Variants in RPL29 observed in about 807,000 individuals in gnomAD.
The protein encoded by RPL29 is large ribosomal subunit protein eL29.
A neutral mutation model predicts 7.2 loss-of-function variants in RPL29; 4 were observed. The ratio of observed to expected loss-of-function variants is 0.55; its 90% confidence interval spans 0.27 to 1.26. RPL29 has a LOEUF of 1.26. Ranked by LOEUF, RPL29 falls within the 50% of genes most tolerant of loss-of-function variation. RPL29 has a pLI of 0.11. For missense variants in RPL29, 148 were observed against 209.1 expected (o/e 0.71, Z 1.80); for synonymous variants, 73 against 72.8 (o/e 1.00, Z -0.01).
In RPL29 at chr3:51,995,026, G is replaced by T. The variant is rs910758974; in HGVS notation, c.102+16C>A. 6.2e-7 allele frequency: 1 copy of T among 1,605,326 alleles called. No individual in the cohort carries two copies. The highest frequency in any genetic ancestry group is 1.7e-5 in the Admixed American group (1 of 60,010). On this transcript the variant is annotated intron_variant, in intron 3 of 3. Coordinates refer to ENST00000294189, the MANE Select transcript of RPL29 (RefSeq NM_000992.3). ...GAACCAAGAAAAGACACTTCCATGTGATTCAGTGCACTCACCCCCTTAAGA... is the reference window on the plus strand; with the variant it reads ...GAACCAAGAAAAGACACTTCCATGTTATTCAGTGCACTCACCCCCTTAAGA...
Position 51,994,138 on chromosome 3 carries a change from G to A in RPL29, c.103-12C>T, listed in dbSNP as rs1226032856. On this transcript the variant is annotated splice_polypyrimidine_tract_variant and intron_variant, in intron 3 of 3. Coordinates refer to ENST00000294189, the MANE Select transcript of RPL29 (RefSeq NM_000992.3). ...AACTTGGGGTCCACCTGAAAAGCAG[G>A]AAAGGTACAGGTGGCAGCATGTGGG... 1 of 1,585,098 alleles carries A rather than the reference G, an allele frequency of 6.3e-7. No homozygotes were observed. The highest frequency in any genetic ancestry group is 1.3e-5 in the African/African-American group (1 of 74,398).
Position 51,993,961 on chromosome 3 carries a change from T to C in RPL29, c.268A>G (p.Ser90Gly), listed in dbSNP as rs1244596304. ...EVKPKIPKGV[S>G]RKLDRLAYIA... ...TAGGCAAGTCGATCGAGCTTGCGGCTGACACCCTTTGGGATCTTGGGCTTA... is the reference window on the plus strand; with the variant it reads ...TAGGCAAGTCGATCGAGCTTGCGGCCGACACCCTTTGGGATCTTGGGCTTA... Residue 90 changes from serine (S) to glycine (G), a missense_variant, in exon 4 of 4, where the codon AGC (serine) becomes GGC (glycine). Transcript: ENST00000294189. 5 of 1,596,998 alleles carry C rather than the reference T, an allele frequency of 3.1e-6. No individual in the cohort carries two copies. The highest frequency in any genetic ancestry group is 1.1e-5 in the South Asian group (1 of 90,994).
chr3:51,994,764 ACTCCTTACC>A, intron 3 of RPL29: 1 of 698,010 alleles, frequency 1.4e-6, no homozygotes, highest in Non-Finnish European at 2.6e-6. Flanking sequence ...AGACAAGGCC[ACTCCTTACC>A]CTAAGTGCCA....
In RPL29 at chr3:51,993,819, G is replaced by C. The variant is rs745509881; in HGVS notation, c.410C>G (p.Ala137Gly). 6.3e-6 allele frequency: 10 copies of C among 1,594,794 alleles called. No homozygotes were observed. Among genetic ancestry groups the C allele is most frequent in the Non-Finnish European group, 8.5e-6 (10 of 1,179,276 alleles). ...AGCTGGAACTGAAGCTGGGGCTGCA[G>C]CCTGGGCCTTGGTTTGATCCTTGGC... ...AKAKDQTKAQ[A>G]AAPASVPAQA... The change falls in exon 4 of 4, where the codon GCT becomes GGT. Residue 137 changes from alanine (A) to glycine (G), a missense_variant. Physicochemically the swap from Ala to Gly is moderately conservative, Grantham distance 60 (BLOSUM62 0). Transcript: ENST00000294189.
chr3:51,993,639 G>A lies in RPL29; in HGVS notation c.*110C>T. 1 of 1,160,932 alleles carries A rather than the reference G, an allele frequency of 8.6e-7. No individual in the cohort carries two copies. Among genetic ancestry groups the A allele is most frequent in the East Asian group, 2.4e-5 (1 of 42,402 alleles). The allele number at this position is 1,160,932 out of a possible 1,614,324, so 71.9% of individuals were successfully genotyped here. ...CAGAGGCTAACAAATCCTGCCTCAG[G>A]TTTATTTGTACAAATAGCACAGGAG... On this transcript the variant is annotated 3_prime_UTR_variant, in exon 4 of 4. Coordinates refer to ENST00000294189, the MANE Select transcript of RPL29 (RefSeq NM_000992.3).
At position 51,994,953 on chromosome 3, in the gene RPL29, A is replaced by G. The variant is rs761460180; in HGVS notation, c.102+89T>C. The G allele has an allele frequency of 2.9e-5, 34 of 1,177,392 alleles. No homozygotes were observed. The East Asian group carries it at 6.7e-4, about 23-fold the overall frequency. The allele number at this position is 1,177,392 out of a possible 1,614,324, so 72.9% of individuals were successfully genotyped here. On this transcript the variant is annotated intron_variant, in intron 3 of 3. Coordinates refer to ENST00000294189, the MANE Select transcript of RPL29 (RefSeq NM_000992.3). Reference sequence around the variant, plus strand: ...GCCAGTTAGGCTGTGCTCAGGCAGAAGCCAAAGCTAGAGAAAAACTACATG... The same window carrying G: ...GCCAGTTAGGCTGTGCTCAGGCAGAGGCCAAAGCTAGAGAAAAACTACATG...
intron 1 of RPL29, 132 bp from the exon 2 acceptor site, chr3:51,995,601 G>T: frequency 1.2e-6 from 1 of 843,068 alleles, no homozygotes; most frequent in South Asian, 1.5e-5. Flanking sequence ...TACTCTGCAC[G>T]ACCAAACGCC....
intron 2 of RPL29, 141 bp downstream of exon 2, chr3:51,995,284 C>T (rs1351653708): frequency 1.9e-6 from 2 of 1,065,948 alleles, no homozygotes; most frequent in East Asian, 2.4e-5. Context: ...ATCTCTAAAC[C>T]TATAAACCCT....
intron 2 of RPL29, 85 bp from the exon 3 acceptor site, chr3:51,995,191 G>C (rs997102523): frequency 1.6e-6 from 2 of 1,221,580 alleles, no homozygotes; most frequent in African/African-American, 3.0e-5. Context: ...AAGTCTGGGA[G>C]AACCAACACT....
In RPL29 at chr3:51,993,923, G is replaced by A. The variant is rs1065748; in HGVS notation, c.306C>T (p.Pro102=). ...KLDRLAYIAH[P]KLGKRARARI... is the part of the protein sequence containing the mutation. ...GGGCACGAGCACGCTTCCCAAGCTT[G>A]GGGTGGGCAATGTAGGCAAGTCGAT... Residue 102 remains proline (P), a synonymous_variant, in exon 4 of 4, where the codon CCC becomes CCT. Transcript: ENST00000294189. 6.3e-5 allele frequency: 101 copies of A among 1,596,544 alleles called. 1 individual carries two copies. The African/African-American group carries it at 1.2e-3, about 20-fold the overall frequency.
At chr3:51,995,632 A>G (rs1451231388) in intron 1 of RPL29, 163 bp from the exon 2 acceptor site, 3 of 655,846 alleles carry the variant, frequency 4.6e-6, no homozygotes, top group East Asian at 5.4e-5. Context: ...TCCCAAACCC[A>G]GGTAATGATG....
rs769953048 is a variant in RPL29, at chr3:51,994,015, T to C, written c.214A>G (p.Ile72Val). ...AKAMSARAEAIKALVKPKEVK... is the reference protein window; with the variant it reads ...AKAMSARAEAVKALVKPKEVK... Reference sequence around the variant, plus strand: ...TCCTTGGGCTTTACGAGGGCCTTGATAGCCTCGGCACGTGCACTCATGGCC... The same window carrying C: ...TCCTTGGGCTTTACGAGGGCCTTGACAGCCTCGGCACGTGCACTCATGGCC... Residue 72 changes from isoleucine to valine, a missense_variant, in exon 4 of 4, where the codon ATC becomes GTC. Ile to Val is a conservative substitution (Grantham distance 29, BLOSUM62 3). Transcript: ENST00000294189. 1.9e-6 allele frequency: 3 copies of C among 1,598,916 alleles called. No homozygotes were observed. Among genetic ancestry groups the C allele is most frequent in the South Asian group, 1.1e-5 (1 of 91,056 alleles).
chr3:51,995,641 T>C (rs1701304625), intron 1 of RPL29, 172 bp from the exon 2 acceptor site: 1 of 637,894 alleles, frequency 1.6e-6, no homozygotes, highest in Non-Finnish European at 2.8e-6. Flanking sequence ...CAGGTAATGA[T>C]GCCCTGAAAT....
At position 51,995,532 on chromosome 3, in the gene RPL29, C is replaced by A. The variant is rs3821828; in HGVS notation, c.-8-63G>T. 4.4e-5 allele frequency: 66 copies of A among 1,502,856 alleles called. 1 individual carries two copies. In the East Asian group the frequency reaches 8.3e-4, roughly 19 times the overall value. The allele number at this position is 1,502,856 out of a possible 1,614,324, so 93.1% of individuals were successfully genotyped here. ...CCAGGCTGGGCCACCTCTGCCCCCC[C>A]CATTCTGGTCAGAATGAGCCTGCAG... On this transcript the variant is annotated intron_variant, in intron 1 of 3. Coordinates refer to ENST00000294189, the MANE Select transcript of RPL29 (RefSeq NM_000992.3).
At chr3:51,995,661 A>C in intron 1 of RPL29, 192 bp from the exon 2 acceptor site, 1 of 602,986 alleles carries the variant, frequency 1.7e-6, no homozygotes, top group Non-Finnish European at 3.0e-6. Context: ...TCAACTCCTT[A>C]CCCCCGGAAA....
intron 3 of RPL29, 59 bp from the exon 4 acceptor site, chr3:51,994,185 C>T (rs1164949120): frequency 6.5e-7 from 1 of 1,533,352 alleles, no homozygotes; most frequent in Admixed American, 2.0e-5. Context: ...CTCCCTGCTG[C>T]CCCTCTCCAT....
intron 3 of RPL29, 128 bp downstream of exon 3, chr3:51,994,914 C>T: frequency 1.2e-6 from 1 of 844,400 alleles, no homozygotes; most frequent in East Asian, 2.4e-5. Flanking sequence ...AAAGGAATTG[C>T]AGGCTTTGGG....
At chr3:51,994,606 A>G (rs766421022) in intron 3 of RPL29, 3 of 478,338 alleles carry the variant, frequency 6.3e-6, no homozygotes, top group Non-Finnish European at 1.1e-5. Context: ...GACTGGGGAC[A>G]TGCTCAGCTC....
At position 51,994,131 on chromosome 3, in the gene RPL29, A is replaced by G; in HGVS notation, c.103-5T>C. On this transcript the variant is annotated splice_region_variant and splice_polypyrimidine_tract_variant and intron_variant, in intron 3 of 3. Transcript: ENST00000294189. ...CCTCAGGAACTTGGGGTCCACCTGAAAAGCAGGAAAGGTACAGGTGGCAGC... is the reference window on the plus strand; with the variant it reads ...CCTCAGGAACTTGGGGTCCACCTGAGAAGCAGGAAAGGTACAGGTGGCAGC... 3.1e-6 allele frequency: 5 copies of G among 1,589,094 alleles called. No individual in the cohort carries two copies. The highest frequency in any genetic ancestry group is 4.3e-6 in the Non-Finnish European group (5 of 1,167,052).
Sources: allele counts gnomAD v4.1 joint callset, GRCh38; gene constraint gnomAD v4.1.1; transcripts MANE v1.5; gene names NCBI Gene and HGNC (gene_info 2026-07-23, HGNC 2026-07-21).